The following ADAM23 variants were observed in gnomAD, a reference collection of about 807,000 sequenced individuals.
ADAM23 encodes the protein disintegrin and metalloproteinase domain-containing protein 23.
ADAM23 carries 33 observed loss-of-function variants against 120.1 expected under a neutral mutation model. The ratio of observed to expected loss-of-function variants is 0.27; its 90% confidence interval spans 0.21 to 0.37. ADAM23 has a LOEUF of 0.37. Ranked by LOEUF, ADAM23 falls within the 10% of genes least tolerant of loss-of-function variation. The pLI, the probability that ADAM23 is intolerant of heterozygous loss-of-function variation, is 1.00. For missense variants in ADAM23, 862 were observed against 1,058.2 expected (o/e 0.81, Z 2.57); for synonymous variants, 367 against 375.2 (o/e 0.98, Z 0.25).
At chr2:206,480,245 A>C (rs1466731854) in intron 2 of ADAM23, among the ~76,000 whole-genome samples, 1 of 152,074 alleles carries the variant, frequency 6.6e-6, no homozygotes, top group African/African-American at 2.4e-5. Flanking sequence ...AATACAGGGA[A>C]GGCAAAGAGG....
chr2:206,536,634 CAT>C (rs1697182170), intron 4 of ADAM23, among the ~76,000 whole-genome samples: 1 of 152,108 alleles, frequency 6.6e-6, no homozygotes, highest in African/African-American at 2.4e-5. Flanking sequence ...AGAAATAAGA[CAT>C]GTTAATTTGA....
intron 2 of ADAM23, among the ~76,000 whole-genome samples, chr2:206,480,763 TTTACTGTC>T (rs1695880065): frequency 6.6e-6 from 1 of 152,160 alleles, no homozygotes; most frequent in Admixed American, 6.5e-5. Context: ...ACTCTCCCAT[TTTACTGTC>T]ATATTCTGCT....
intron 14 of ADAM23, among the ~76,000 whole-genome samples, chr2:206,566,534 TG>T (rs1697886574): frequency 6.6e-6 from 1 of 152,228 alleles, no homozygotes; most frequent in South Asian, 2.1e-4. Flanking sequence ...ATATTATATT[TG>T]ATTAAGTAAT....
chr2:206,609,838 T>TA, intron 24 of ADAM23, 72 bp from the exon 25 acceptor site: 1 of 1,274,168 alleles, frequency 7.8e-7, no homozygotes, highest in Non-Finnish European at 1.1e-6. Flanking sequence ...TGAAACTGCT[T>TA]AACTGCCTTT....
chr2:206,513,691 T>C (rs1389119057), intron 3 of ADAM23, among the ~76,000 whole-genome samples: 1 of 152,226 alleles, frequency 6.6e-6, no homozygotes. Flanking sequence ...GCCTTCCTAT[T>C]GGAAGAAGAC....
intron 22 of ADAM23, among the ~76,000 whole-genome samples, chr2:206,594,095 G>C (rs193297912): frequency 4.6e-5 from 7 of 151,874 alleles, no homozygotes; most frequent in Admixed American, 3.3e-4. Context: ...CAATAGACTA[G>C]ACCATCTAGC....
chr2:206,564,939 T>G (rs1697847862), intron 13 of ADAM23, 81 bp from the exon 14 acceptor site: 1 of 1,412,124 alleles, frequency 7.1e-7, no homozygotes, highest in African/African-American at 1.4e-5. Context: ...AGAATTATTG[T>G]AGGAGTTGTA....
In ADAM23 at chr2:206,477,897, A is replaced by AAAAATATATATATAT. The variant is rs374524658; in HGVS notation, c.433-3334_433-3333insAAATATATATATATA. ...TATTCTGTTAAAAAAAAAAAAAAAA[A>AAAAATATATATATAT]ATATATATATATATATATATATATA... is the stretch of plus-strand genomic sequence containing the variant. On this transcript the variant is annotated intron_variant, in intron 2 of 25. Coordinates refer to ENST00000264377, the MANE Select transcript of ADAM23 (RefSeq NM_003812.4). 3.1e-4 allele frequency among the ~76,000 whole-genome samples: 29 copies of AAAAATATATATATAT among 93,572 alleles called. No individual in the cohort carries two copies. The East Asian group carries it at 6.2e-3, about 20-fold the overall frequency. 61.4% of individuals were successfully genotyped at this position (93,572 alleles called of 152,430 possible).
At chr2:206,477,880 TAAAAAAAAAAAAA>T (rs71034456) in intron 2 of ADAM23, among the ~76,000 whole-genome samples, 1 of 109,210 alleles carries the variant, frequency 9.2e-6, no homozygotes, top group Admixed American at 1.0e-4. Context: ...AATATTCTGT[TAAAAAAAAAAAAA>T]AAAAATATAT....
chr2:206,479,060 TA>T (rs762137488), intron 2 of ADAM23, among the ~76,000 whole-genome samples: 4 of 152,206 alleles, frequency 2.6e-5, no homozygotes, highest in African/African-American at 9.6e-5. Context: ...AAGCAGGACT[TA>T]ATATGTTTGT....
chr2:206,534,335 A>G (rs1697129928), intron 4 of ADAM23, among the ~76,000 whole-genome samples: 1 of 152,200 alleles, frequency 6.6e-6, no homozygotes, highest in Non-Finnish European at 1.5e-5. Context: ...GAAAAATAGA[A>G]ATTACATATA....
intron 3 of ADAM23, among the ~76,000 whole-genome samples, chr2:206,499,313 A>G (rs1433146410): frequency 1.3e-5 from 2 of 152,054 alleles, no homozygotes; most frequent in Non-Finnish European, 2.9e-5. Context: ...CTATGCAGCC[A>G]TAAAAAAGGA....
chr2:206,476,019 A>G (rs975031178), intron 2 of ADAM23, among the ~76,000 whole-genome samples: 14 of 152,186 alleles, frequency 9.2e-5, no homozygotes, highest in Admixed American at 3.9e-4. Context: ...TAGAATAAAC[A>G]TTGTTTTTTC....
At chr2:206,533,034 A>T (rs545290059) in intron 4 of ADAM23, among the ~76,000 whole-genome samples, 184 of 152,200 alleles carry the variant, frequency 1.2e-3, no homozygotes, top group Non-Finnish European at 1.7e-3. Context: ...ATATATATAT[A>T]TTTTTAAAGC....
chr2:206,565,054 C>T lies in ADAM23; in HGVS notation c.1380C>T (p.Ile460=), dbSNP rs1212295141. 5.0e-6 allele frequency: 8 copies of T among 1,613,860 alleles called. No homozygotes were observed. The highest frequency in any genetic ancestry group is 6.8e-6 in the Non-Finnish European group (8 of 1,179,960). The change falls in exon 14 of 26, where the codon ATC becomes ATT. Residue 460 remains isoleucine (I), a synonymous_variant. Transcript: ENST00000264377. ...CDCTESWGGC[I]MEETGVSHSR... ...GCACAGAATCCTGGGGTGGCTGCAT[C>T]ATGGAGGAAACAGGGTAAATTTTCA...
intron 24 of ADAM23, among the ~76,000 whole-genome samples, chr2:206,597,264 C>G (rs34588024): frequency 0.093 from 13,856 of 149,118 alleles, 690 homozygotes; most frequent in Middle Eastern, 0.13. Flanking sequence ...ATCGTAACCT[C>G]TGCTGCCTGG....
rs758588742 is a variant in ADAM23, at chr2:206,573,124, C to T, written c.1666C>T (p.Arg556Ter). 5.0e-6 allele frequency: 8 copies of T among 1,613,824 alleles called. No homozygotes were observed. The highest frequency in any genetic ancestry group is 2.2e-5 in the East Asian group (1 of 44,862). Residue 556 changes from arginine to a stop codon, truncating the protein, a stop_gained, in exon 18 of 26, where the codon CGA (arginine) becomes TGA (stop). Coordinates refer to ENST00000264377, the MANE Select transcript of ADAM23 (RefSeq NM_003812.4). LOFTEE classifies it high-confidence loss of function. ...GAATTTTGATTTGCAGTTTCAGCCA[C>T]GAGGGTATGAATGCCGGGATGCTGT... ...CNNTSCLFQP[R>*]GYECRDAVNE...
chr2:206,541,445 T>G (rs1477176705), intron 4 of ADAM23, among the ~76,000 whole-genome samples: 1 of 152,064 alleles, frequency 6.6e-6, no homozygotes, highest in Non-Finnish European at 1.5e-5. Context: ...ATAAAAAGTA[T>G]AAACATTCAA....
At chr2:206,595,181 A>G (rs1248261344) in intron 23 of ADAM23, among the ~76,000 whole-genome samples, 1 of 152,084 alleles carries the variant, frequency 6.6e-6, no homozygotes, top group Non-Finnish European at 1.5e-5. Flanking sequence ...CTCCATCTCA[A>G]CAACAACAAC....
Sources: gnomAD v4.1 joint callset for allele counts (sites outside exome capture counted in the v4.1 genomes callset) on GRCh38, gnomAD v4.1.1 for gene constraint, MANE v1.5 for transcripts, NCBI Gene and HGNC (gene_info 2026-07-23, HGNC 2026-07-21) for gene names.